EPHA6: variants seen among roughly 807,000 people sequenced by gnomAD.
EPHA6 encodes ephrin type-A receptor 6.
In EPHA6, 50 loss-of-function variants were observed where a neutral mutation model predicts 112.0. That is an observed-to-expected ratio of 0.45 (90% confidence interval 0.36 to 0.56). The LOEUF is 0.56. Ranked by LOEUF, EPHA6 falls within the 20% of genes least tolerant of loss-of-function variation. The pLI is 0.00. For synonymous variants in EPHA6, 529 were observed against 490.7 expected (o/e 1.08, Z -1.03); for missense variants, 1,280 against 1,417.4 (o/e 0.90, Z 1.56).
At chr3:96,861,348 A>G (rs1368189464) in intron 1 of EPHA6, among the ~76,000 whole-genome samples, 1 of 152,046 alleles carries the variant, frequency 6.6e-6, no homozygotes, top group Non-Finnish European at 1.5e-5. Context: ...AAAGTAATTT[A>G]GTTAGGTAGA....
chr3:97,307,621 TC>T (rs1444744101), intron 5 of EPHA6, among the ~76,000 whole-genome samples: 1 of 151,454 alleles, frequency 6.6e-6, no homozygotes, highest in Non-Finnish European at 1.5e-5. Flanking sequence ...TTTTTTTTTT[TC>T]TTTAAAGGTG....
intron 3 of EPHA6, among the ~76,000 whole-genome samples, chr3:97,218,404 G>T (rs1277413942): frequency 1.3e-5 from 2 of 152,136 alleles, no homozygotes; most frequent in Middle Eastern, 3.2e-3. Context: ...ATTCAGCATG[G>T]CTGGGGAAGC....
intron 5 of EPHA6, among the ~76,000 whole-genome samples, chr3:97,391,812 G>A (rs1243343722): frequency 6.6e-6 from 1 of 151,854 alleles, no homozygotes; most frequent in Admixed American, 6.6e-5. Flanking sequence ...TATTATGAAT[G>A]AAAGTCTTTA....
chr3:96,921,044 T>C (rs755332517), intron 2 of EPHA6, among the ~76,000 whole-genome samples: 7 of 152,046 alleles, frequency 4.6e-5, no homozygotes, highest in Non-Finnish European at 7.4e-5. Flanking sequence ...AGATATCTAA[T>C]AATACTGTCT....
At chr3:97,006,556 G>C (rs1352136337) in intron 3 of EPHA6, among the ~76,000 whole-genome samples, 1 of 151,662 alleles carries the variant, frequency 6.6e-6, no homozygotes, top group Admixed American at 6.6e-5. Flanking sequence ...CAAAAAAACA[G>C]CTCCTGGATT....
intron 3 of EPHA6, among the ~76,000 whole-genome samples, chr3:97,019,032 G>T (rs1463950579): frequency 6.6e-6 from 1 of 152,030 alleles, no homozygotes; most frequent in Non-Finnish European, 1.5e-5. Flanking sequence ...TGTATGGCCT[G>T]GTTTTTCCTA....
At chr3:97,527,035 A>C (rs993769238) in intron 10 of EPHA6, among the ~76,000 whole-genome samples, 1 of 152,124 alleles carries the variant, frequency 6.6e-6, no homozygotes, top group Non-Finnish European at 1.5e-5. Context: ...TGTGAGAAGT[A>C]CTAGGCTAGA....
chr3:96,883,634 G>T (rs541644906), intron 2 of EPHA6, among the ~76,000 whole-genome samples: 1 of 152,130 alleles, frequency 6.6e-6, no homozygotes, highest in African/African-American at 2.4e-5. Flanking sequence ...CCTACATGTG[G>T]CTAGCCAGTT....
intron 2 of EPHA6, among the ~76,000 whole-genome samples, chr3:96,940,958 C>A (rs140294381): frequency 9.2e-5 from 14 of 152,112 alleles, no homozygotes; most frequent in African/African-American, 2.4e-4. Flanking sequence ...GAGTTTCTGC[C>A]GAGAGATCAG....
chr3:97,378,443 G>A (rs57889880), intron 5 of EPHA6, among the ~76,000 whole-genome samples: 2,345 of 152,222 alleles, frequency 0.015, 59 homozygotes, highest in African/African-American at 0.048. Flanking sequence ...AGTCCCTCCC[G>A]GGGCACCACC....
intron 5 of EPHA6, among the ~76,000 whole-genome samples, chr3:97,260,640 A>G (rs1454662687): frequency 6.6e-6 from 1 of 152,232 alleles, no homozygotes; most frequent in Non-Finnish European, 1.5e-5. Context: ...TGGCACTGTT[A>G]CAAGATGCAC....
chr3:97,404,555 T>C (rs2087211283), intron 5 of EPHA6, among the ~76,000 whole-genome samples: 1 of 152,130 alleles, frequency 6.6e-6, no homozygotes, highest in African/African-American at 2.4e-5. Context: ...AGAATTATAA[T>C]ATATGGAAAA....
chr3:96,981,218 C>T (rs9737978), intron 2 of EPHA6, among the ~76,000 whole-genome samples: 244 of 152,172 alleles, frequency 1.6e-3, no homozygotes, highest in African/African-American at 5.3e-3. Flanking sequence ...TTTTGAGATA[C>T]GTCCCATCAG....
At chr3:97,648,223 A>G (rs1224299210) in intron 14 of EPHA6, 6 of 715,402 alleles carry the variant, frequency 8.4e-6, no homozygotes, top group Non-Finnish European at 1.5e-5. Context: ...ATTATTGACA[A>G]TATATAATCT....
intron 2 of EPHA6, among the ~76,000 whole-genome samples, chr3:96,955,186 A>G (rs1253442789): frequency 6.6e-6 from 1 of 152,200 alleles, no homozygotes; most frequent in Non-Finnish European, 1.5e-5. Context: ...TTCTAATAGT[A>G]GAAATGCTGT....
intron 11 of EPHA6, among the ~76,000 whole-genome samples, chr3:97,547,243 G>T (rs1050914051): frequency 1.3e-5 from 2 of 152,140 alleles, no homozygotes; most frequent in Non-Finnish European, 2.9e-5. Context: ...ATGGGTTTTT[G>T]GTGTGGATGT....
At chr3:97,451,061 C>G (rs1234500519) in intron 7 of EPHA6, among the ~76,000 whole-genome samples, 1 of 151,862 alleles carries the variant, frequency 6.6e-6, no homozygotes, top group African/African-American at 2.4e-5. Context: ...GCGCAAATAA[C>G]TTGGTGTGGC....
At chr3:97,286,618 A>G (rs1235629156) in intron 5 of EPHA6, among the ~76,000 whole-genome samples, 4 of 149,612 alleles carry the variant, frequency 2.7e-5, no homozygotes, top group Admixed American at 2.0e-4. Context: ...CACCAATTCC[A>G]TAGTGTTTTG....
At chr3:97,059,545 T>C (rs2045953578) in intron 3 of EPHA6, among the ~76,000 whole-genome samples, 1 of 151,798 alleles carries the variant, frequency 6.6e-6, no homozygotes, top group African/African-American at 2.4e-5. Flanking sequence ...CAGGAAAAAT[T>C]CACTTTTCAC....
Sources: gnomAD v4.1 joint callset for allele counts (sites outside exome capture counted in the v4.1 genomes callset) on GRCh38, gnomAD v4.1.1 for gene constraint, MANE v1.5 for transcripts, NCBI Gene and HGNC (gene_info 2026-07-23, HGNC 2026-07-21) for gene names.